The following GRXCR1 variants were observed in gnomAD, a reference collection of about 807,000 sequenced individuals.
The protein encoded by GRXCR1 is glutaredoxin and cysteine rich domain containing 1, also known as glutaredoxin domain-containing cysteine-rich protein 1.
A neutral mutation model predicts 27.3 loss-of-function variants in GRXCR1; 27 were observed. That is an observed-to-expected ratio of 0.99 (90% CI 0.73 to 1.37). The LOEUF is 1.37. GRXCR1 is among the 40% of genes most tolerant of loss of function. The probability of loss-of-function intolerance (pLI) is 0.00; values close to 1 mark genes in which losing one functional copy is unlikely to be tolerated. For missense variants in GRXCR1, 379 were observed against 354.4 expected (o/e 1.07, Z -0.56); for synonymous variants, 122 against 131.1 (o/e 0.93, Z 0.47).
At chr4:42,960,332 T>A (rs1210342859) in intron 1 of GRXCR1, among the ~76,000 whole-genome samples, 5 of 151,898 alleles carry the variant, frequency 3.3e-5, no homozygotes, top group African/African-American at 1.2e-4. Context: ...ACAGATAATA[T>A]AATAAGAAAA....
chr4:42,966,001 C>T (rs1392914544), intron 2 of GRXCR1, among the ~76,000 whole-genome samples: 2 of 151,792 alleles, frequency 1.3e-5, no homozygotes, highest in African/African-American at 4.8e-5. Flanking sequence ...ACTCTCTTCC[C>T]CAACCAAACT....
At chr4:42,935,940 G>C (rs561668652) in intron 1 of GRXCR1, among the ~76,000 whole-genome samples, 1 of 151,888 alleles carries the variant, frequency 6.6e-6, no homozygotes, top group African/African-American at 2.4e-5. Context: ...TTAAAAGGGG[G>C]GAATGTAATA....
chr4:42,943,886 A>G (rs1747681401), intron 1 of GRXCR1, among the ~76,000 whole-genome samples: 1 of 152,014 alleles, frequency 6.6e-6, no homozygotes, highest in African/African-American at 2.4e-5. Context: ...ATACCTCTAA[A>G]CACTCTACAA....
chr4:43,003,850 T>C (rs530143229), intron 2 of GRXCR1, among the ~76,000 whole-genome samples: 1 of 152,238 alleles, frequency 6.6e-6, no homozygotes, highest in Non-Finnish European at 1.5e-5. Context: ...TTGGAAAATT[T>C]GCAGCCTGAC....
intron 2 of GRXCR1, among the ~76,000 whole-genome samples, chr4:42,988,296 C>T (rs1711845186): frequency 6.6e-6 from 1 of 152,092 alleles, no homozygotes; most frequent in African/African-American, 2.4e-5. Flanking sequence ...TCTTCTGTCA[C>T]CATCTGAGAG....
At chr4:42,934,489 C>A (rs908535819) in intron 1 of GRXCR1, among the ~76,000 whole-genome samples, 1 of 151,550 alleles carries the variant, frequency 6.6e-6, no homozygotes, top group East Asian at 1.9e-4. Flanking sequence ...TAATATAATT[C>A]CATGTGAATT....
chr4:42,972,998 C>T lies in GRXCR1; in HGVS notation c.627+9864C>T, dbSNP rs58614186. Among the ~76,000 whole-genome samples the T allele has an allele frequency of 3.0e-3, 452 of 152,156 alleles. 2 individuals are homozygous for T. The highest frequency in any genetic ancestry group is 0.01 in the African/African-American group (436 of 41,582). The stretch of plus-strand genomic sequence containing the variant: ...TCCATTTGTTCCCCTATTGAACTTT[C>T]TCATCATTGGCATTTTTAATCTTTA... On this transcript the variant is annotated intron_variant, in intron 2 of 3. Transcript: ENST00000399770.
At chr4:42,926,783 T>C (rs1001781598) in intron 1 of GRXCR1, among the ~76,000 whole-genome samples, 2 of 152,176 alleles carry the variant, frequency 1.3e-5, no homozygotes, top group Middle Eastern at 6.8e-3. Flanking sequence ...TGGTTGAAGA[T>C]GTTTTTAATC....
At chr4:42,910,130 G>A (rs1269205285) in intron 1 of GRXCR1, among the ~76,000 whole-genome samples, 3 of 152,058 alleles carry the variant, frequency 2.0e-5, no homozygotes, top group Non-Finnish European at 1.5e-5. Context: ...GGAGGAAGTT[G>A]CCAAACACTT....
chr4:42,984,123 A>G (rs1192737118), intron 2 of GRXCR1, among the ~76,000 whole-genome samples: 2 of 152,174 alleles, frequency 1.3e-5, no homozygotes, highest in Non-Finnish European at 2.9e-5. Context: ...GGCATGAGCC[A>G]CCATGCCCAG....
At chr4:42,927,533 A>G (rs936589386) in intron 1 of GRXCR1, among the ~76,000 whole-genome samples, 2 of 152,032 alleles carry the variant, frequency 1.3e-5, no homozygotes, top group African/African-American at 4.8e-5. Flanking sequence ...CATCTTAAAG[A>G]AGTAAAAAGG....
chr4:42,899,150 T>C (rs1746411928), intron 1 of GRXCR1, among the ~76,000 whole-genome samples: 2 of 152,114 alleles, frequency 1.3e-5, no homozygotes, highest in South Asian at 4.1e-4. Flanking sequence ...ACCCTCTTAG[T>C]GGTTATTTTC....
intron 2 of GRXCR1, among the ~76,000 whole-genome samples, chr4:43,001,192 C>T (rs1292390639): frequency 6.6e-6 from 1 of 150,740 alleles, no homozygotes; most frequent in Non-Finnish European, 1.5e-5. Context: ...GTCCATTTTT[C>T]CCCCCGGTGT....
At chr4:42,894,560 A>AT (rs1162010120) in intron 1 of GRXCR1, among the ~76,000 whole-genome samples, 2 of 152,242 alleles carry the variant, frequency 1.3e-5, no homozygotes, top group Non-Finnish European at 2.9e-5. Flanking sequence ...TTATATTAGA[A>AT]TGTGTGAGTG....
intron 2 of GRXCR1, among the ~76,000 whole-genome samples, chr4:43,000,717 C>T (rs1053850851): frequency 6.6e-6 from 1 of 151,656 alleles, no homozygotes; most frequent in East Asian, 1.9e-4. Context: ...GGCTTCCGTA[C>T]CATCTTTGGT....
intron 2 of GRXCR1, among the ~76,000 whole-genome samples, chr4:43,007,412 G>A (rs951714426): frequency 5.9e-5 from 9 of 152,150 alleles, no homozygotes; most frequent in African/African-American, 2.2e-4. Context: ...CTGTAGATCA[G>A]GGAAAAGAGT....
At chr4:43,011,720 C>T (rs1712757299) in intron 2 of GRXCR1, among the ~76,000 whole-genome samples, 1 of 152,110 alleles carries the variant, frequency 6.6e-6, no homozygotes, top group South Asian at 2.1e-4. Flanking sequence ...CAACATATGA[C>T]TTGTTAGTGC....
chr4:42,995,678 T>C (rs1455327882), intron 2 of GRXCR1, among the ~76,000 whole-genome samples: 2 of 152,120 alleles, frequency 1.3e-5, no homozygotes, highest in African/African-American at 4.8e-5. Flanking sequence ...GAAAAAGAAG[T>C]ATATGTACGC....
At chr4:42,927,731 G>T (rs994188005) in intron 1 of GRXCR1, among the ~76,000 whole-genome samples, 1 of 151,980 alleles carries the variant, frequency 6.6e-6, no homozygotes, top group Non-Finnish European at 1.5e-5. Flanking sequence ...CCCAAGAGAA[G>T]CTTGATTTGA....
Sources: allele counts gnomAD v4.1 joint callset (sites outside exome capture counted in the v4.1 genomes callset), GRCh38; gene constraint gnomAD v4.1.1; transcripts MANE v1.5; gene names NCBI Gene and HGNC (gene_info 2026-07-23, HGNC 2026-07-21).